The following ZNF679 variants were observed in gnomAD, a reference collection of about 807,000 sequenced individuals.
ZNF679 encodes zinc finger protein 679, also known as hypothetical protein MGC42415.
A neutral mutation model predicts 13.4 loss-of-function variants in ZNF679; 10 were observed. The ratio of observed to expected loss-of-function variants is 0.75; its 90% confidence interval spans 0.46 to 1.27. ZNF679 has a LOEUF of 1.27. Ranked by LOEUF, ZNF679 falls within the 50% of genes most tolerant of loss-of-function variation. The pLI, the probability that ZNF679 is intolerant of heterozygous loss-of-function variation, is 0.00. For synonymous variants in ZNF679, 179 were observed against 162.5 expected (o/e 1.10, Z -0.77); for missense variants, 525 against 477.8 (o/e 1.10, Z -0.92).
At chr7:64,242,894 C>T (rs534910665) in intron 1 of ZNF679, among the ~76,000 whole-genome samples, 19 of 152,146 alleles carry the variant, frequency 1.2e-4, no homozygotes, top group African/African-American at 4.3e-4. Flanking sequence ...GTAAGCTGGA[C>T]CCAGCTATGA....
At chr7:64,239,927 C>A (rs1268463994) in intron 1 of ZNF679, among the ~76,000 whole-genome samples, 1 of 152,204 alleles carries the variant, frequency 6.6e-6, no homozygotes, top group South Asian at 2.1e-4. Context: ...TGAAGTTATT[C>A]TTCCCCCAGG....
At chr7:64,235,562 G>A (rs66894657) in intron 1 of ZNF679, among the ~76,000 whole-genome samples, 41,796 of 151,776 alleles carry the variant, frequency 0.28, 5,990 homozygotes, top group Middle Eastern at 0.32. Flanking sequence ...GCCGATGTGG[G>A]TGGATCACCT....
At chr7:64,257,512 C>T (rs1398194580) in intron 2 of ZNF679, among the ~76,000 whole-genome samples, 1 of 152,130 alleles carries the variant, frequency 6.6e-6, no homozygotes, top group East Asian at 1.9e-4. Context: ...AATTATTCAA[C>T]ACTTAGTAGC....
At chr7:64,246,031 C>A (rs554922976) in intron 1 of ZNF679, among the ~76,000 whole-genome samples, 43 of 152,190 alleles carry the variant, frequency 2.8e-4, no homozygotes, top group African/African-American at 1.0e-3. Flanking sequence ...AACACAAAGA[C>A]AATAGTGGTT....
intron 4 of ZNF679, among the ~76,000 whole-genome samples, chr7:64,261,783 C>T (rs902816632): frequency 2.6e-5 from 4 of 151,324 alleles, no homozygotes; most frequent in Middle Eastern, 3.2e-3. Flanking sequence ...TTTTGTGCAA[C>T]CTTTCAAATA....
chr7:64,245,365 C>A (rs1787853258), intron 1 of ZNF679, among the ~76,000 whole-genome samples: 1 of 148,258 alleles, frequency 6.7e-6, no homozygotes, highest in East Asian at 2.0e-4. Flanking sequence ...AACATGTGAT[C>A]TTTGGGGAAG....
chr7:64,233,455 C>T (rs1787668532), intron 1 of ZNF679, among the ~76,000 whole-genome samples: 1 of 152,018 alleles, frequency 6.6e-6, no homozygotes, highest in Non-Finnish European at 1.5e-5. Flanking sequence ...GGCGCCACTG[C>T]ACTCCAGCCT....
rs1165665173 is a variant in ZNF679 at position 64,260,260 on chromosome 7, C to G, written c.79C>G (p.Leu27Val). The G allele has an allele frequency of 1.2e-6, 2 of 1,611,612 alleles. No homozygotes were observed. The highest frequency in any genetic ancestry group is 2.2e-5 in the South Asian group (2 of 90,678). Reference sequence around the variant, plus strand: ...CAGAGATGTAGTCATAGAATTCTCTCTGGAGGAGTGGCAATGCCTGGATCA... The same window carrying G: ...CAGAGATGTAGTCATAGAATTCTCTGTGGAGGAGTGGCAATGCCTGGATCA... ...TFRDVVIEFS[L>V]EEWQCLDHAQ... Residue 27 changes from leucine to valine, a missense_variant, in exon 3 of 5, where the codon CTG (leucine) becomes GTG (valine). By Grantham distance (32) the Leu-to-Val change is conservative. Coordinates refer to ENST00000421025, the MANE Select transcript of ZNF679 (RefSeq NM_153363.3).
chr7:64,260,700 T>G, intron 3 of ZNF679, 134 bp from the exon 4 acceptor site: 1 of 1,054,416 alleles, frequency 9.5e-7, no homozygotes, highest in Non-Finnish European at 1.3e-6. Context: ...TTCTAAATAG[T>G]TAAAAAGTTC....
At chr7:64,230,539 C>CA (rs948433156) in intron 1 of ZNF679, among the ~76,000 whole-genome samples, 630 of 60,368 alleles carry the variant, frequency 0.01, 3 homozygotes, top group East Asian at 0.02. Context: ...GACTCCGTCT[C>CA]AAAAAAAAAA....
intron 2 of ZNF679, among the ~76,000 whole-genome samples, chr7:64,259,995 A>T (rs1788053618): frequency 1.3e-5 from 2 of 152,144 alleles, no homozygotes; most frequent in Non-Finnish European, 2.9e-5. Flanking sequence ...CCCTTAATTT[A>T]ATAATTTATC....
At chr7:64,237,848 G>A (rs573194427) in intron 1 of ZNF679, among the ~76,000 whole-genome samples, 143 of 152,016 alleles carry the variant, frequency 9.4e-4, no homozygotes, top group Non-Finnish European at 1.3e-3. Flanking sequence ...ACTTTACCAG[G>A]TTATTATAAA....
chr7:64,237,028 A>G (rs994310970), intron 1 of ZNF679, among the ~76,000 whole-genome samples: 6 of 151,452 alleles, frequency 4.0e-5, no homozygotes, highest in African/African-American at 1.2e-4. Context: ...AAAGAAACCT[A>G]TGGGTAGGGA....
In ZNF679 at chr7:64,265,956, A is replaced by G. The variant is rs752650307; in HGVS notation, c.323A>G (p.Gln108Arg). The change falls in exon 5 of 5, where the codon CAA becomes CGA. Residue 108 changes from glutamine (Q) to arginine (R), a missense_variant. Gln to Arg is a conservative substitution (Grantham distance 43). Transcript: ENST00000421025. Reference sequence around the variant, plus strand: ...GAGCTAGGCATAAAAGATTCACTCCAAAAAGTAATACCAAGAAGATATGGA... The same window carrying G: ...GAGCTAGGCATAAAAGATTCACTCCGAAAAGTAATACCAAGAAGATATGGA... ...PPELGIKDSL[Q>R]KVIPRRYGKS... 6.2e-7 allele frequency: 1 copy of G among 1,613,850 alleles called. No homozygotes were observed. The highest frequency in any genetic ancestry group is 8.5e-7 in the Non-Finnish European group (1 of 1,179,870).
At chr7:64,265,534 G>T (rs1205935705) in intron 4 of ZNF679, among the ~76,000 whole-genome samples, 2 of 152,078 alleles carry the variant, frequency 1.3e-5, no homozygotes, top group African/African-American at 4.8e-5. Context: ...TAAAGATATA[G>T]GTGCCAGTAT....
intron 1 of ZNF679, among the ~76,000 whole-genome samples, chr7:64,239,559 A>C (rs952268226): frequency 1.3e-5 from 2 of 152,144 alleles, no homozygotes; most frequent in African/African-American, 4.8e-5. Flanking sequence ...AGATGATGTG[A>C]CTATTTTGTC....
At chr7:64,264,253 TA>T (rs56375415) in intron 4 of ZNF679, among the ~76,000 whole-genome samples, 27 of 150,966 alleles carry the variant, frequency 1.8e-4, no homozygotes, top group African/African-American at 4.1e-4. Flanking sequence ...TTTAAACTGG[TA>T]AAAAAAAATG....
chr7:64,236,922 G>GAAGAAAGA (rs1290345784), intron 1 of ZNF679, among the ~76,000 whole-genome samples: 5,843 of 85,182 alleles, frequency 0.069, 236 homozygotes, highest in Non-Finnish European at 0.082. Flanking sequence ...AAGAAAGAAA[G>GAAGAAAGA]AAGAAAGAAA....
intron 1 of ZNF679, among the ~76,000 whole-genome samples, chr7:64,233,766 G>T (rs1787672998): frequency 6.6e-6 from 1 of 152,156 alleles, no homozygotes; most frequent in African/African-American, 2.4e-5. Flanking sequence ...TAATCTGGTA[G>T]ATCCTTACAG....
Sources: allele counts gnomAD v4.1 joint callset (sites outside exome capture counted in the v4.1 genomes callset), GRCh38; gene constraint gnomAD v4.1.1; transcripts MANE v1.5; gene names NCBI Gene and HGNC (gene_info 2026-07-23, HGNC 2026-07-21).